Variants in RC3H2 observed in about 807,000 individuals in gnomAD.
RC3H2 encodes the protein roquin-2.
A neutral mutation model predicts 133.3 loss-of-function variants in RC3H2; 31 were observed. That is an observed-to-expected ratio of 0.23 (90% CI 0.17 to 0.31). The LOEUF (loss-of-function observed/expected upper bound fraction) is 0.31, where lower values mean the gene tolerates loss of function less well. Ranked by LOEUF, RC3H2 falls within the 10% of genes least tolerant of loss-of-function variation. The probability of loss-of-function intolerance (pLI) is 1.00; values close to 1 mark genes in which losing one functional copy is unlikely to be tolerated. For missense variants in RC3H2, 1,175 were observed against 1,437.2 expected, an observed-to-expected ratio of 0.82 and a Z score of 2.95; for synonymous variants, 517 against 502.2, an observed-to-expected ratio of 1.03 and a Z score of -0.40.
chr9:122,861,491 A>C (rs1274191992), intron 10 of RC3H2, among the ~76,000 whole-genome samples: 2 of 10,012 alleles, frequency 2.0e-4, no homozygotes, highest in Non-Finnish European at 5.1e-4. Flanking sequence ...ACTCCGTCTC[A>C]AAAAAAAAAA....
intron 13 of RC3H2, among the ~76,000 whole-genome samples, chr9:122,857,005 G>A (rs1050673007): frequency 6.6e-6 from 1 of 152,120 alleles, no homozygotes; most frequent in Non-Finnish European, 1.5e-5. Flanking sequence ...TTTGGATCTA[G>A]TTTAAAAATT....
intron 10 of RC3H2, among the ~76,000 whole-genome samples, chr9:122,864,657 G>A (rs1200330417): frequency 2.0e-5 from 3 of 150,730 alleles, no homozygotes; most frequent in Non-Finnish European, 4.4e-5. Context: ...GTCTCACTCT[G>A]TTGCCCAGGC....
rs899816330 is a variant in RC3H2 at position 122,853,968 on chromosome 9, T to C, written c.3101A>G (p.Glu1034Gly). ...LTLNLLSKEI[E>G]LRNGELQSDY... is the part of the protein sequence containing the mutation. ...TTTCTTTACCTCTCCATTTCTTAGT[T>C]CAATTTCCTTGCTTAAAAGGTTTAA... The change falls in exon 18 of 21, where the codon GAA (glutamate) becomes GGA (glycine). Residue 1034 changes from glutamate to glycine, a missense_variant. Transcript: ENST00000357244. 1.2e-6 allele frequency: 2 copies of C among 1,614,226 alleles called. No individual in the cohort carries two copies. The highest frequency in any genetic ancestry group is 1.7e-6 in the Non-Finnish European group (2 of 1,180,032).
intron 9 of RC3H2, among the ~76,000 whole-genome samples, chr9:122,866,409 A>T (rs1417415749): frequency 3.5e-5 from 2 of 57,558 alleles, no homozygotes; most frequent in Non-Finnish European, 6.5e-5. Context: ...CCCTCTCCCC[A>T]CGGTCTCCCT....
At chr9:122,873,229 T>C (rs1488586890) in intron 9 of RC3H2, among the ~76,000 whole-genome samples, 3 of 152,210 alleles carry the variant, frequency 2.0e-5, no homozygotes, top group Admixed American at 6.5e-5. Flanking sequence ...GCAATATGTA[T>C]TTTTTAAACT....
chr9:122,891,186 A>AT (rs200819569), intron 3 of RC3H2, among the ~76,000 whole-genome samples: 10,464 of 151,166 alleles, frequency 0.069, 407 homozygotes, highest in African/African-American at 0.092. Flanking sequence ...CACCTGGCTA[A>AT]TTTTTTTTGT....
Position 122,858,057 on chromosome 9 carries a change from G to T in RC3H2, c.2320C>A (p.Gln774Lys). 1 of 1,614,194 alleles carries T rather than the reference G, an allele frequency of 6.2e-7. No homozygotes were observed. Among genetic ancestry groups the T allele is most frequent in the Non-Finnish European group, 8.5e-7 (1 of 1,180,022 alleles). ...CGHLKTSCEE[Q>K]IRRKPDQWAQ... is the part of the protein sequence containing the mutation. The stretch of plus-strand genomic sequence containing the variant: ...CACTGATCTGGCTTTCTTCTTATCT[G>T]CTCCTCGCAACTGGTCTTCAAATGA... Residue 774 changes from glutamine (Q) to lysine (K), a missense_variant, in exon 13 of 21, where the codon CAG (glutamine) becomes AAG (lysine). Gln to Lys is a moderately conservative substitution (Grantham distance 53). Transcript: ENST00000357244.
chr9:122,893,402 G>A (rs1246987066), intron 2 of RC3H2, among the ~76,000 whole-genome samples: 1 of 152,196 alleles, frequency 6.6e-6, no homozygotes, highest in Admixed American at 6.5e-5. Context: ...GCTGAGGCAG[G>A]AGAATCTCTT....
At chr9:122,892,871 G>C in intron 3 of RC3H2, 38 bp downstream of exon 3, 2 of 1,495,008 alleles carry the variant, frequency 1.3e-6, no homozygotes, top group Non-Finnish European at 1.9e-6. Context: ...GTACTACCAA[G>C]TCCTACTTAT....
chr9:122,851,559 C>CTG, intron 18 of RC3H2, 123 bp from the exon 19 acceptor site: 1 of 1,317,156 alleles, frequency 7.6e-7, no homozygotes, highest in Non-Finnish European at 1.0e-6. Context: ...CGAAGCTGGA[C>CTG]TATACTGCTG....
rs775738629 is a variant in RC3H2 at position 122,858,847 on chromosome 9, C to T, written c.2105G>A (p.Arg702His). The change falls in exon 12 of 21, where the codon CGC (arginine) becomes CAC (histidine). Residue 702 changes from arginine to histidine, a missense_variant. Physicochemically the swap from Arg to His is conservative, Grantham distance 29. Around this residue, in one of 8 missense-constraint regions of RC3H2, gnomAD observed 490 missense variants for 492.8 expected, o/e 0.99. Transcript: ENST00000357244. ...APVYDSRRIW[R>H]PPMYQRDDII... The stretch of plus-strand genomic sequence containing the variant: ...GTCATCTCGTTGGTACATAGGTGGG[C>T]GCCAGATGCGCCTGCTGTCGTACAC... 10 of 1,614,238 alleles carry T rather than the reference C, an allele frequency of 6.2e-6. No individual in the cohort carries two copies. Among genetic ancestry groups the T allele is most frequent in the South Asian group, 2.2e-5 (2 of 91,080 alleles).
intron 10 of RC3H2, among the ~76,000 whole-genome samples, chr9:122,864,441 T>C (rs1386488329): frequency 2.0e-5 from 3 of 152,194 alleles, no homozygotes; most frequent in Admixed American, 6.5e-5. Flanking sequence ...GTTCAAGGCA[T>C]ACTGGAGTAT....
At chr9:122,894,672 G>C (rs1832343255) in intron 2 of RC3H2, among the ~76,000 whole-genome samples, 1 of 152,118 alleles carries the variant, frequency 6.6e-6, no homozygotes. Flanking sequence ...TTGAGGTCAG[G>C]AGTTCGAGAC....
At chr9:122,867,019 C>T (rs1298773445) in intron 9 of RC3H2, among the ~76,000 whole-genome samples, 7 of 136,876 alleles carry the variant, frequency 5.1e-5, no homozygotes, top group East Asian at 2.2e-4. Flanking sequence ...CCCACCGCCC[C>T]GTCTGGGATG....
At chr9:122,885,925 TCAC>T (rs1365238539) in intron 4 of RC3H2, among the ~76,000 whole-genome samples, 1 of 152,210 alleles carries the variant, frequency 6.6e-6, no homozygotes, top group African/African-American at 2.4e-5. Context: ...TCTTGCTCTG[TCAC>T]CCAGGCTGGA....
chr9:122,867,892 T>TG (rs1477860287), intron 9 of RC3H2, among the ~76,000 whole-genome samples: 3 of 44,260 alleles, frequency 6.8e-5, no homozygotes, highest in East Asian at 4.3e-4. Context: ...GGGAGGGAGG[T>TG]GGGGGGGTCA....
At chr9:122,892,096 T>C (rs1053702976) in intron 3 of RC3H2, among the ~76,000 whole-genome samples, 1 of 152,066 alleles carries the variant, frequency 6.6e-6, no homozygotes, top group African/African-American at 2.4e-5. Flanking sequence ...AATTTCAAGA[T>C]GCAGTGACTC....
chr9:122,886,264 C>T (rs1831909324), intron 4 of RC3H2, among the ~76,000 whole-genome samples: 1 of 152,168 alleles, frequency 6.6e-6, no homozygotes, highest in Non-Finnish European at 1.5e-5. Flanking sequence ...GAGGAATAGC[C>T]TATTTATGGA....
intron 16 of RC3H2, 23 bp downstream of exon 16, chr9:122,854,508 T>C (rs1374532331): frequency 5.1e-6 from 8 of 1,562,504 alleles, no homozygotes; most frequent in Non-Finnish European, 7.1e-6. Flanking sequence ...TGGAGAATCA[T>C]ATAGAATTAA....
Sources: allele counts gnomAD v4.1 joint callset (sites outside exome capture counted in the v4.1 genomes callset), GRCh38; gene constraint gnomAD v4.1.1; regional missense constraint gnomAD v4.1.1; transcripts MANE v1.5; gene names NCBI Gene and HGNC (gene_info 2026-07-23, HGNC 2026-07-21).